ARHGAP6: variants seen among roughly 807,000 people sequenced by gnomAD.
The protein encoded by ARHGAP6 is Rho GTPase activating protein 6, also known as rho GTPase-activating protein 6.
Under a neutral mutation model 55.7 loss-of-function variants are expected in ARHGAP6, and 16 were observed. That is an observed-to-expected ratio of 0.29 (90% CI 0.19 to 0.44). ARHGAP6 has a LOEUF of 0.44. ARHGAP6 is among the 20% of genes least tolerant of loss of function. ARHGAP6 has a pLI of 1.00. For synonymous variants in ARHGAP6, 382 were observed against 360.9 expected (o/e 1.06, Z -0.66); for missense variants, 698 against 808.9 (o/e 0.86, Z 1.66).
intron 1 of ARHGAP6, among the ~76,000 whole-genome samples, chrX:11,593,540 A>G (rs139432100): frequency 0.09 from 10,056 of 111,561 alleles, 471 homozygotes; most frequent in East Asian, 0.19. Flanking sequence ...CCAAATTCAC[A>G]GAATGTACAA....
chrX:11,471,048 C>T (rs1410005408), intron 1 of ARHGAP6, among the ~76,000 whole-genome samples: 1 of 111,066 alleles, frequency 9.0e-6, no homozygotes, highest in Non-Finnish European at 1.9e-5. Context: ...AAAGGTTTGG[C>T]CCACCACAAG....
rs370955535 is a variant in ARHGAP6 at position 11,664,396 on chromosome X, C to G, written c.433G>C (p.Gly145Arg). The change falls in exon 1 of 13, where the codon GGG (glycine) becomes CGG (arginine). Residue 145 changes from glycine to arginine, a missense_variant. Coordinates refer to ENST00000337414, the MANE Select transcript of ARHGAP6 (RefSeq NM_013427.3). ...MAWDLPSVLA[G>R]PASSRSASSI... ...GAAGCGCTTCGGCTACTGGCTGGCC[C>G]GGCCAGGACAGAAGGCAGGTCCCAG... is the stretch of plus-strand genomic sequence containing the variant. 2 of 1,211,926 alleles carry G rather than the reference C, an allele frequency of 1.7e-6. No homozygotes were observed. The highest frequency in any genetic ancestry group is 2.2e-6 in the Non-Finnish European group (2 of 895,482).
intron 5 of ARHGAP6, among the ~76,000 whole-genome samples, chrX:11,185,142 CTGTGTG>C (rs3990773): frequency 0.18 from 16,940 of 95,697 alleles, 1,113 homozygotes; most frequent in Middle Eastern, 0.26. Context: ...TGGTGCATGA[CTGTGTG>C]TGTGTGTGTG....
intron 1 of ARHGAP6, among the ~76,000 whole-genome samples, chrX:11,625,260 TG>T (rs1198448947): frequency 1.8e-5 from 2 of 109,020 alleles, no homozygotes; most frequent in African/African-American, 6.7e-5. Flanking sequence ...TATCCATCAA[TG>T]GATTGATGGA....
intron 1 of ARHGAP6, among the ~76,000 whole-genome samples, chrX:11,326,099 AG>A (rs2048493379): frequency 1.9e-5 from 2 of 106,111 alleles, no homozygotes; most frequent in Non-Finnish European, 3.9e-5. Flanking sequence ...GTTTTACCAA[AG>A]GAATTTTTCT....
At chrX:11,582,338 A>G (rs2051676207) in intron 1 of ARHGAP6, among the ~76,000 whole-genome samples, 1 of 111,684 alleles carries the variant, frequency 9.0e-6, no homozygotes, top group African/African-American at 3.3e-5. Flanking sequence ...CCTCCTATAG[A>G]GCAATGAGAG....
intron 6 of ARHGAP6, 113 bp from the exon 7 acceptor site, chrX:11,179,565 C>A: frequency 2.2e-6 from 2 of 908,119 alleles, no homozygotes; most frequent in South Asian, 3.0e-5. Context: ...TGCACAGACC[C>A]CAAGAAGGGG....
chrX:11,488,605 C>T (rs990371461), intron 1 of ARHGAP6, among the ~76,000 whole-genome samples: 2 of 110,691 alleles, frequency 1.8e-5, no homozygotes, highest in East Asian at 2.8e-4. Flanking sequence ...GGTTAGGAAC[C>T]GGGCCACACA....
At chrX:11,471,907 A>G (rs768062731) in intron 1 of ARHGAP6, among the ~76,000 whole-genome samples, 1 of 111,648 alleles carries the variant, frequency 9.0e-6, no homozygotes, top group Non-Finnish European at 1.9e-5. Context: ...CCAGGGCTTG[A>G]GACCATTCAT....
intron 1 of ARHGAP6, among the ~76,000 whole-genome samples, chrX:11,308,179 A>G (rs1421275890): frequency 6.2e-5 from 7 of 112,268 alleles, no homozygotes; most frequent in African/African-American, 1.9e-4. Context: ...TTAACACACA[A>G]TTCACCAAAT....
At chrX:11,144,427 G>A (rs2045662011) in intron 10 of ARHGAP6, among the ~76,000 whole-genome samples, 179 bp from the exon 11 acceptor site, 1 of 112,238 alleles carries the variant, frequency 8.9e-6, no homozygotes, top group Non-Finnish European at 1.9e-5. Context: ...GGGTTTCAAC[G>A]ATATGACCAG....
intron 1 of ARHGAP6, among the ~76,000 whole-genome samples, chrX:11,602,283 C>G (rs911909047): frequency 3.6e-5 from 4 of 112,355 alleles, no homozygotes; most frequent in African/African-American, 1.3e-4. Context: ...GTCTGGGTAT[C>G]TGCTAGGATT....
intron 1 of ARHGAP6, among the ~76,000 whole-genome samples, chrX:11,442,835 G>T (rs1460978694): frequency 9.0e-6 from 1 of 111,627 alleles, no homozygotes; most frequent in East Asian, 2.8e-4. Flanking sequence ...GAATCCAAAG[G>T]GCCAGGGCTA....
chrX:11,515,296 A>G (rs1343841243), intron 1 of ARHGAP6, among the ~76,000 whole-genome samples: 1 of 112,555 alleles, frequency 8.9e-6, no homozygotes, highest in Non-Finnish European at 1.9e-5. Context: ...TAAGGTACAC[A>G]TAAGTTTGTG....
intron 2 of ARHGAP6, among the ~76,000 whole-genome samples, chrX:11,209,266 C>T (rs2046752784): frequency 1.8e-5 from 2 of 111,653 alleles, no homozygotes; most frequent in African/African-American, 6.5e-5. Context: ...CTCAGCCACC[C>T]GAGTATCTGG....
At chrX:11,151,307 C>G (rs2045773410) in intron 10 of ARHGAP6, among the ~76,000 whole-genome samples, 1 of 107,887 alleles carries the variant, frequency 9.3e-6, no homozygotes, top group Admixed American at 9.9e-5. Context: ...CTCTGTTGCC[C>G]AGGTTGGAGT....
At chrX:11,546,034 A>G (rs1228930365) in intron 1 of ARHGAP6, among the ~76,000 whole-genome samples, 1 of 111,112 alleles carries the variant, frequency 9.0e-6, no homozygotes, top group Non-Finnish European at 1.9e-5. Context: ...ATAATAAAGA[A>G]AAACATGAAA....
At chrX:11,157,805 A>G (rs1257255539) in intron 9 of ARHGAP6, among the ~76,000 whole-genome samples, 2 of 112,181 alleles carry the variant, frequency 1.8e-5, no homozygotes, top group Admixed American at 9.4e-5. Context: ...AAAAACAGGG[A>G]TGAGAAAGCA....
intron 2 of ARHGAP6, among the ~76,000 whole-genome samples, chrX:11,220,645 A>G (rs1202795658): frequency 2.7e-5 from 3 of 110,880 alleles, no homozygotes; most frequent in African/African-American, 9.8e-5. Flanking sequence ...CTAAACATGG[A>G]AAGGAACAAC....
Sources: gnomAD v4.1 joint callset for allele counts (sites outside exome capture counted in the v4.1 genomes callset) on GRCh38, gnomAD v4.1.1 for gene constraint, MANE v1.5 for transcripts, NCBI Gene and HGNC (gene_info 2026-07-23, HGNC 2026-07-21) for gene names.